AKAP9: variants seen among roughly 807,000 people sequenced by gnomAD.
AKAP9 encodes A-kinase anchoring protein 9.
A neutral mutation model predicts 488.5 loss-of-function variants in AKAP9; 311 were observed. The observed-to-expected ratio is 0.64, with a 90% CI of 0.58 to 0.70. The LOEUF is 0.70. Ranked by LOEUF, AKAP9 falls within the 30% of genes least tolerant of loss-of-function variation. AKAP9 has a pLI of 0.00. For missense variants in AKAP9, 4,215 were observed against 4,374.5 expected (o/e 0.96, Z 1.03); for synonymous variants, 1,462 against 1,483.5 (o/e 0.99, Z 0.33).
chr7:91,973,837 C>G lies in AKAP9; in HGVS notation c.175C>G (p.Gln59Glu), dbSNP rs532711361. Residue 59 changes from glutamine (Q) to glutamate (E), a missense_variant, in exon 2 of 50, where the codon CAA becomes GAA. Physicochemically the swap from Gln to Glu is conservative, Grantham distance 29. Coordinates refer to ENST00000356239, the MANE Select transcript of AKAP9 (RefSeq NM_005751.5). ...VSAHHDLNID[Q>E]SQCNEMYINS... ...AGCACACCATGATTTGAATATTGAT[C>G]AATCACAGTGTAATGAAATGTACAT... The G allele has an allele frequency of 6.2e-7, 1 of 1,613,980 alleles. No individual in the cohort carries two copies. Among genetic ancestry groups the G allele is most frequent in the South Asian group, 1.1e-5 (1 of 91,046 alleles).
chr7:92,102,184 AATAAATAAATAAATAAATAG>A (rs1817643349), intron 45 of AKAP9, among the ~76,000 whole-genome samples: 3 of 149,634 alleles, frequency 2.0e-5, no homozygotes, highest in Non-Finnish European at 3.0e-5. Flanking sequence ...TAAATAAATA[AATAAATAAATAAATAAATAG>A]ATAGATTAGT....
At chr7:91,988,725 C>G (rs1455061238) in intron 3 of AKAP9, among the ~76,000 whole-genome samples, 1 of 152,076 alleles carries the variant, frequency 6.6e-6, no homozygotes, top group Non-Finnish European at 1.5e-5. Context: ...GCCAGAAAGT[C>G]CTGTTTACAT....
chr7:92,091,585 C>CAAAAAAAA (rs796606265), intron 38 of AKAP9, among the ~76,000 whole-genome samples: 12 of 22,062 alleles, frequency 5.4e-4, no homozygotes, highest in African/African-American at 1.1e-3. Context: ...GACTCTGTCT[C>CAAAAAAAA]AAAAAAAAAA....
Position 92,045,069 on chromosome 7 carries a change from A to G in AKAP9, c.5224A>G (p.Thr1742Ala). 4.3e-6 allele frequency: 7 copies of G among 1,613,870 alleles called. No homozygotes were observed. Among genetic ancestry groups the G allele is most frequent in the Middle Eastern group, 1.6e-4 (1 of 6,062 alleles). Residue 1742 changes from threonine (T) to alanine (A), a missense_variant, in exon 21 of 50, where the codon ACA becomes GCA. By Grantham distance (58) the Thr-to-Ala change is moderately conservative. Transcript: ENST00000356239. ...GATCCTCTTAGAAGTTGTAAAGACAACAGCAGCTGTTGAAGAAACAATTGG... is the reference window on the plus strand; with the variant it reads ...GATCCTCTTAGAAGTTGTAAAGACAGCAGCAGCTGTTGAAGAAACAATTGG... ...LKILLEVVKT[T>A]AAVEETIGRH...
At chr7:91,998,228 C>CT (rs1798647321) in intron 7 of AKAP9, among the ~76,000 whole-genome samples, 1 of 152,112 alleles carries the variant, frequency 6.6e-6, no homozygotes. Context: ...GGCCCCATCT[C>CT]TAACAGGCCC....
intron 18 of AKAP9, 103 bp downstream of exon 18, chr7:92,041,001 A>G (rs1260645571): frequency 2.0e-6 from 2 of 1,005,906 alleles, no homozygotes; most frequent in Admixed American, 5.6e-5. Context: ...TTATGTAGCC[A>G]TAATTTTTTT....
chr7:92,005,073 A>T (rs1446424947), intron 8 of AKAP9, among the ~76,000 whole-genome samples: 1 of 152,210 alleles, frequency 6.6e-6, no homozygotes, highest in Non-Finnish European at 1.5e-5. Flanking sequence ...CTATTGAGAT[A>T]ATCATGTGGT....
At position 92,099,839 on chromosome 7, in the gene AKAP9, G is replaced by T. The variant is rs1420420791; in HGVS notation, c.10866G>T (p.Trp3622Cys). The T allele has an allele frequency of 1.9e-6, 3 of 1,613,928 alleles. No individual in the cohort carries two copies. The East Asian group carries it at 6.7e-5, about 36-fold the overall frequency. ...MVMKLEEQIR[W>C]YRQTGAGRDN... ...TGAAGCTGGAAGAGCAGATCAGGTGGTATCGACAGACAGGAGCTGGTAGAG... is the reference window on the plus strand; with the variant it reads ...TGAAGCTGGAAGAGCAGATCAGGTGTTATCGACAGACAGGAGCTGGTAGAG... The change falls in exon 44 of 50, where the codon TGG becomes TGT. Residue 3622 changes from tryptophan (W) to cysteine (C), a missense_variant. Around this residue, in one of 5 missense-constraint regions of AKAP9, gnomAD observed 74 missense variants for 113.0 expected, o/e 0.65. Coordinates refer to ENST00000356239, the MANE Select transcript of AKAP9 (RefSeq NM_005751.5).
rs774637015 is a variant in AKAP9, at chr7:92,079,258, T to C, written c.7125T>C (p.His2375=). Residue 2375 remains histidine, a synonymous_variant, in exon 31 of 50, where the codon CAT becomes CAC. Coordinates refer to ENST00000356239, the MANE Select transcript of AKAP9 (RefSeq NM_005751.5). ...GACAGAAGACATCAATGAATGCTCA[T>C]TCCCTCTCAGAAGAAGCAGACAGTT... ...NIGQKTSMNA[H]SLSEEADSLK... 1.2e-6 allele frequency: 2 copies of C among 1,614,096 alleles called. No homozygotes were observed. The highest frequency in any genetic ancestry group is 8.5e-7 in the Non-Finnish European group (1 of 1,179,980).
intron 9 of AKAP9, 108 bp from the exon 10 acceptor site, chr7:92,014,141 A>T: frequency 1.3e-6 from 1 of 767,362 alleles, no homozygotes; most frequent in Non-Finnish European, 2.2e-6. Context: ...TAAAGAATTT[A>T]AAATGATTCT....
intron 1 of AKAP9, among the ~76,000 whole-genome samples, chr7:91,972,713 A>G (rs188189972): frequency 2.0e-5 from 3 of 152,332 alleles, no homozygotes; most frequent in Admixed American, 6.5e-5. Flanking sequence ...TGCAAAAGCA[A>G]TTGCAGTTTT....
intron 8 of AKAP9, among the ~76,000 whole-genome samples, chr7:92,008,701 T>C (rs1367630001): frequency 2.2e-5 from 3 of 133,456 alleles, no homozygotes; most frequent in African/African-American, 8.6e-5. Flanking sequence ...AAACAAAGAA[T>C]ATGGGCCAGG....
intron 12 of AKAP9, among the ~76,000 whole-genome samples, chr7:92,018,693 G>A (rs1195405384): frequency 5.3e-5 from 8 of 152,046 alleles, no homozygotes; most frequent in Admixed American, 4.6e-4. Context: ...CTTAGCTTCT[G>A]TAGCTTTTCA....
At chr7:92,050,346 C>T (rs369831552) in intron 21 of AKAP9, among the ~76,000 whole-genome samples, 3 of 152,122 alleles carry the variant, frequency 2.0e-5, no homozygotes, top group East Asian at 1.9e-4. Context: ...CCACCTGCCT[C>T]GGCCTCCCAA....
chr7:92,035,193 C>CCCCCGTGACTT (rs1195602337), intron 16 of AKAP9, among the ~76,000 whole-genome samples: 2 of 152,200 alleles, frequency 1.3e-5, no homozygotes, highest in Non-Finnish European at 2.9e-5. Context: ...TATATTATTT[C>CCCCCGTGACTT]CCCCGTGACT....
In AKAP9 at chr7:92,085,633, A is replaced by G; in HGVS notation, c.8971A>G (p.Ile2991Val). Residue 2991 changes from isoleucine to valine, a missense_variant, in exon 36 of 50, where the codon ATC becomes GTC. Around this residue, in one of 5 missense-constraint regions of AKAP9, gnomAD observed 1,476 missense variants for 1,477.4 expected, o/e 1.00. Coordinates refer to ENST00000356239, the MANE Select transcript of AKAP9 (RefSeq NM_005751.5). ...LEERKAYINT[I>V]SSLKDLITKM... ...AGAGAGAAAAGCTTACATCAATACA[A>G]TCTCATCTCTAAAGGATTTAATTAC... 2 of 1,613,872 alleles carry G rather than the reference A, an allele frequency of 1.2e-6. No homozygotes were observed. Among genetic ancestry groups the G allele is most frequent in the Non-Finnish European group, 1.7e-6 (2 of 1,179,916 alleles).
intron 1 of AKAP9, among the ~76,000 whole-genome samples, chr7:91,941,368 T>G (rs1790736972): frequency 6.6e-6 from 1 of 152,224 alleles, no homozygotes; most frequent in African/African-American, 2.4e-5. Flanking sequence ...CCGCGAGGAT[T>G]GAATATTGTG....
intron 12 of AKAP9, among the ~76,000 whole-genome samples, chr7:92,021,566 G>A (rs1802321404): frequency 1.3e-5 from 2 of 152,186 alleles, no homozygotes; most frequent in Middle Eastern, 3.4e-3. Flanking sequence ...AGCCCCTCAA[G>A]TAACTGGGAT....
intron 1 of AKAP9, among the ~76,000 whole-genome samples, chr7:91,953,590 TA>T: frequency 6.6e-6 from 1 of 152,312 alleles, no homozygotes; most frequent in East Asian, 1.9e-4. Context: ...TGTCAGTCTA[TA>T]AGAAGTGTTC....
Sources: gnomAD v4.1 joint callset for allele counts (sites outside exome capture counted in the v4.1 genomes callset) on GRCh38, gnomAD v4.1.1 for gene constraint, gnomAD v4.1.1 regional missense constraint, MANE v1.5 for transcripts, NCBI Gene and HGNC (gene_info 2026-07-23, HGNC 2026-07-21) for gene names.